Variants in B3GAT2 observed in about 807,000 individuals in gnomAD.
The protein encoded by B3GAT2 is beta-1,3-glucuronyltransferase 2.
A neutral mutation model predicts 27.8 loss-of-function variants in B3GAT2; 26 were observed. The ratio of observed to expected loss-of-function variants is 0.93; its 90% confidence interval spans 0.68 to 1.30. The LOEUF is 1.30. Ranked by LOEUF, B3GAT2 falls within the 50% of genes most tolerant of loss-of-function variation. The pLI is 0.00. For missense variants in B3GAT2, 458 were observed against 459.0 expected, an observed-to-expected ratio of 1.00 and a Z score of 0.02; for synonymous variants, 218 against 195.1, an observed-to-expected ratio of 1.12 and a Z score of -0.98.
intron 1 of B3GAT2, among the ~76,000 whole-genome samples, chr6:70,942,106 C>A (rs1765402289): frequency 6.6e-6 from 1 of 152,114 alleles, no homozygotes; most frequent in Non-Finnish European, 1.5e-5. Context: ...GCCTAATGGG[C>A]ATTCTGAAAA....
At position 70,894,135 on chromosome 6, in the gene B3GAT2, G is replaced by A; in HGVS notation, c.729C>T (p.Asp243=). 3.1e-6 allele frequency: 5 copies of A among 1,610,892 alleles called. No homozygotes were observed. Among genetic ancestry groups the A allele is most frequent in the Non-Finnish European group, 4.2e-6 (5 of 1,178,378 alleles). ...GWRADRPFAI[D]MAGFAVSLQV... ...ATCACCCACACTGCTCACCTGCCAT[G>A]TCGATGGCAAAAGGCCTGTCTGCTC... is the stretch of plus-strand genomic sequence containing the variant. Residue 243 remains aspartate (D), a synonymous_variant, in exon 2 of 4, where the codon GAC becomes GAT. Transcript: ENST00000230053.
intron 2 of B3GAT2, among the ~76,000 whole-genome samples, chr6:70,887,311 C>T (rs1283252820): frequency 6.6e-6 from 1 of 152,178 alleles, no homozygotes; most frequent in Non-Finnish European, 1.5e-5. Context: ...TGTTGACAAA[C>T]ATTGAGATGA....
At chr6:70,916,373 A>G (rs1382098252) in intron 1 of B3GAT2, among the ~76,000 whole-genome samples, 1 of 151,992 alleles carries the variant, frequency 6.6e-6, no homozygotes, top group Non-Finnish European at 1.5e-5. Context: ...CTCTTTTCCT[A>G]ATTGAATACC....
intron 1 of B3GAT2, among the ~76,000 whole-genome samples, chr6:70,946,065 G>A (rs573578015): frequency 2.6e-4 from 40 of 152,128 alleles, no homozygotes; most frequent in African/African-American, 9.4e-4. Flanking sequence ...AAGAGCTCCT[G>A]AAGGAAGCAC....
intron 1 of B3GAT2, among the ~76,000 whole-genome samples, chr6:70,940,706 T>C (rs186101088): frequency 8.5e-5 from 13 of 152,230 alleles, no homozygotes; most frequent in Admixed American, 5.2e-4. Context: ...GGTGGGTGCA[T>C]CACCTGAGGT....
chr6:70,884,103 AAAAAAAAAAAC>A (rs1336135108), intron 2 of B3GAT2, among the ~76,000 whole-genome samples: 2,010 of 150,176 alleles, frequency 0.013, 36 homozygotes, highest in South Asian at 0.047. Context: ...CTCAAAAAAA[AAAAAAAAAAAC>A]AAAAAAAACC....
intron 1 of B3GAT2, among the ~76,000 whole-genome samples, chr6:70,896,600 A>C (rs1163757418): frequency 2.0e-5 from 3 of 152,184 alleles, no homozygotes; most frequent in Admixed American, 2.0e-4. Flanking sequence ...ACTATACATT[A>C]GTTTGCATCC....
At chr6:70,878,063 C>T (rs1208205060) in intron 2 of B3GAT2, among the ~76,000 whole-genome samples, 3 of 152,144 alleles carry the variant, frequency 2.0e-5, no homozygotes, top group African/African-American at 2.4e-5. Flanking sequence ...CCTATACAAG[C>T]ACTTTTTTAA....
Position 70,860,487 on chromosome 6 carries a change from A to AT in B3GAT2, c.*1175dup. On this transcript the variant is annotated 3_prime_UTR_variant, in exon 4 of 4. Coordinates refer to ENST00000230053, the MANE Select transcript of B3GAT2 (RefSeq NM_080742.3). The stretch of plus-strand genomic sequence containing the variant: ...TGATTGACCGTGTTGGTCTGTACTG[A>AT]TTCAATTTGATGTGGTGAAAAGCAG... The AT allele has an allele frequency of 5.3e-6, 4 of 749,854 alleles. No homozygotes were observed. The highest frequency in any genetic ancestry group is 7.6e-6 in the Non-Finnish European group (4 of 526,800). The allele number at this position is 749,854 out of a possible 1,614,324, so 46.5% of individuals were successfully genotyped here.
chr6:70,944,791 AC>A (rs1765451632), intron 1 of B3GAT2, among the ~76,000 whole-genome samples: 1 of 151,990 alleles, frequency 6.6e-6, no homozygotes, highest in Non-Finnish European at 1.5e-5. Context: ...CTGACCCCTG[AC>A]CCCCGAGCAG....
Position 70,861,851 on chromosome 6 carries a change from C to A in B3GAT2, c.864G>T (p.Pro288=), listed in dbSNP as rs368372004. The A allele has an allele frequency of 1.2e-6, 2 of 1,614,062 alleles. No individual in the cohort carries two copies. The highest frequency in any genetic ancestry group is 1.7e-6 in the Non-Finnish European group (2 of 1,179,978). The change falls in exon 3 of 4, where the codon CCG becomes CCT. Residue 288 remains proline, a synonymous_variant. Transcript: ENST00000230053. ...ATACCTTAGTGCAGTTATTTGCTTT[C>A]GGTTCCAGTTCTTCGACTGTTGTTA... The part of the protein sequence containing the change: ...KQITTVEELE[P]KANNCTKVLV...
intron 1 of B3GAT2, among the ~76,000 whole-genome samples, chr6:70,948,182 G>T (rs1765522745): frequency 6.8e-6 from 1 of 146,596 alleles, no homozygotes; most frequent in African/African-American, 2.6e-5. Context: ...AGACAGGGAT[G>T]CCCTCTCTCA....
At chr6:70,938,508 A>G (rs1293564434) in intron 1 of B3GAT2, among the ~76,000 whole-genome samples, 2 of 151,882 alleles carry the variant, frequency 1.3e-5, no homozygotes, top group South Asian at 4.2e-4. Context: ...AAACTATACT[A>G]CAAGGCTACA....
chr6:70,913,939 G>A (rs925906241), intron 1 of B3GAT2, among the ~76,000 whole-genome samples: 2 of 152,096 alleles, frequency 1.3e-5, no homozygotes, highest in African/African-American at 4.8e-5. Flanking sequence ...AACCCTTTAT[G>A]ATTATGTCAT....
Position 70,861,730 on chromosome 6 carries a change from C to T in B3GAT2, c.905G>A (p.Arg302Gln), listed in dbSNP as rs374604318. 2.4e-5 allele frequency: 38 copies of T among 1,614,032 alleles called. No homozygotes were observed. The highest frequency in any genetic ancestry group is 1.2e-4 in the African/African-American group (9 of 75,010). ...GTTGGCTAGATTAACCTTCTCTGTCCGAGTGTGCCACACGAGAACCTGAAG... is the reference window on the plus strand; with the variant it reads ...GTTGGCTAGATTAACCTTCTCTGTCTGAGTGTGCCACACGAGAACCTGAAG... Reference protein sequence around the residue: ...NCTKVLVWHTRTEKVNLANEP... With the variant: ...NCTKVLVWHTQTEKVNLANEP... The change falls in exon 4 of 4, where the codon CGG becomes CAG. Residue 302 changes from arginine to glutamine, a missense_variant. Arg to Gln is a conservative substitution (Grantham distance 43). Transcript: ENST00000230053.
intron 1 of B3GAT2, among the ~76,000 whole-genome samples, chr6:70,915,788 C>T (rs1351476219): frequency 6.6e-6 from 1 of 152,144 alleles, no homozygotes; most frequent in Non-Finnish European, 1.5e-5. Flanking sequence ...CAGTAACATG[C>T]TGTTTTGGTT....
At position 70,858,860 on chromosome 6, in the gene B3GAT2, G is replaced by T. The variant is rs1471778609; in HGVS notation, c.*2803C>A. ...TACAAAAAGATTCAATTCCCATAAG[G>T]TGTGAACCAGACATCCCCTCATATT... On this transcript the variant is annotated 3_prime_UTR_variant, in exon 4 of 4. Transcript: ENST00000230053. 2.6e-5 allele frequency: 4 copies of T among 153,038 alleles called. No individual in the cohort carries two copies. The highest frequency in any genetic ancestry group is 9.7e-5 in the African/African-American group (4 of 41,440). The allele number at this position is 153,038 out of a possible 1,614,324, so 9.5% of individuals were successfully genotyped here.
At chr6:70,894,082 T>C in intron 2 of B3GAT2, 46 bp downstream of exon 2, 2 of 1,516,056 alleles carry the variant, frequency 1.3e-6, no homozygotes, top group Non-Finnish European at 1.8e-6. Context: ...AACAAGAGCA[T>C]AAGAACAGTC....
At chr6:70,917,687 T>C (rs1772796642) in intron 1 of B3GAT2, among the ~76,000 whole-genome samples, 1 of 152,238 alleles carries the variant, frequency 6.6e-6, no homozygotes, top group African/African-American at 2.4e-5. Flanking sequence ...GTTGTTCAGT[T>C]TCCATGCAGT....
Sources: allele counts gnomAD v4.1 joint callset (sites outside exome capture counted in the v4.1 genomes callset), GRCh38; gene constraint gnomAD v4.1.1; transcripts MANE v1.5; gene names NCBI Gene and HGNC (gene_info 2026-07-23, HGNC 2026-07-21).